The following ZNF704 variants were observed in gnomAD, a reference collection of about 807,000 sequenced individuals.
ZNF704 encodes glucocorticoid induced gene 1.
In ZNF704, 10 loss-of-function variants were observed where a neutral mutation model predicts 44.7. The ratio of observed to expected loss-of-function variants is 0.22; its 90% CI spans 0.14 to 0.38. The LOEUF is 0.38. Among genes scored for constraint, ZNF704 ranks in the 10% least tolerant of loss-of-function variants. ZNF704 has a pLI of 1.00. For synonymous variants in ZNF704, 211 were observed against 207.6 expected, an observed-to-expected ratio of 1.02 and a Z score of -0.14; for missense variants, 390 against 545.5, an observed-to-expected ratio of 0.71 and a Z score of 2.84.
At chr8:80,687,503 C>G (rs1043468482) in intron 3 of ZNF704, 45 bp from the exon 4 acceptor site, 14 of 1,414,700 alleles carry the variant, frequency 9.9e-6, no homozygotes, top group Non-Finnish European at 1.3e-5. Context: ...CCTGCGTGCC[C>G]GGGCATGGTT....
In ZNF704 at chr8:80,822,115, A is replaced by C. The variant is rs909157868; in HGVS notation, c.-21-500T>G. ...CCCCAACAGTTAAGATTTTTTTATT[A>C]ATTTATTTTAATTTTTTAATTATAC... On this transcript the variant is annotated intron_variant, in intron 1 of 8. Coordinates refer to ENST00000327835, the MANE Select transcript of ZNF704 (RefSeq NM_001033723.3). Among the ~76,000 whole-genome samples the C allele has an allele frequency of 2.0e-5, 3 of 152,188 alleles. No homozygotes were observed. The East Asian group carries it at 5.8e-4, about 29-fold the overall frequency.
intron 7 of ZNF704, among the ~76,000 whole-genome samples, chr8:80,655,620 T>TA (rs1322999703): frequency 6.6e-6 from 1 of 152,204 alleles, no homozygotes; most frequent in Non-Finnish European, 1.5e-5. Flanking sequence ...TAGAGGATAT[T>TA]ACTTTAGAAG....
At chr8:80,870,659 T>C (rs73692267) in intron 1 of ZNF704, among the ~76,000 whole-genome samples, 14,967 of 152,254 alleles carry the variant, frequency 0.098, 930 homozygotes, top group African/African-American at 0.18. Context: ...TAGTGTTTGC[T>C]GGCTTCTCCA....
intron 1 of ZNF704, among the ~76,000 whole-genome samples, chr8:80,840,464 A>G (rs1180180172): frequency 6.6e-6 from 1 of 152,264 alleles, no homozygotes; most frequent in Non-Finnish European, 1.5e-5. Context: ...TACAGAGGAC[A>G]AAATGACAAC....
intron 1 of ZNF704, among the ~76,000 whole-genome samples, chr8:80,847,959 T>G (rs1808794153): frequency 6.6e-6 from 1 of 152,196 alleles, no homozygotes; most frequent in African/African-American, 2.4e-5. Context: ...TGAAAACAAG[T>G]TTATACAAAA....
rs368699858 is a variant in ZNF704, at chr8:80,773,045, T to C, written c.221+48329A>G. Among the ~76,000 whole-genome samples the C allele has an allele frequency of 3.9e-4, 59 of 152,312 alleles. 1 individual carries two copies. Among genetic ancestry groups the C allele is most frequent in the African/African-American group, 1.3e-3 (56 of 41,570 alleles). ...GGTGTGTTATTTAATTTCCAAGTGT[T>C]TGGTTATTTTCCTGTTACCTTTCTA... On this transcript the variant is annotated intron_variant, in intron 2 of 8. Coordinates refer to ENST00000327835, the MANE Select transcript of ZNF704 (RefSeq NM_001033723.3).
intron 8 of ZNF704, 111 bp downstream of exon 8, chr8:80,642,924 C>CA: frequency 1.5e-6 from 1 of 646,696 alleles, no homozygotes; most frequent in Non-Finnish European, 2.3e-6. Context: ...GGTGTTTTGT[C>CA]AATTGTGGAG....
At chr8:80,784,902 A>G (rs953472071) in intron 2 of ZNF704, among the ~76,000 whole-genome samples, 3 of 152,204 alleles carry the variant, frequency 2.0e-5, no homozygotes, top group Admixed American at 2.0e-4. Flanking sequence ...ATTGACAGAA[A>G]AACTGAGACG....
intron 2 of ZNF704, among the ~76,000 whole-genome samples, chr8:80,818,269 A>G (rs1025747037): frequency 2.0e-5 from 3 of 152,180 alleles, no homozygotes; most frequent in Admixed American, 6.5e-5. Flanking sequence ...AAATGATTGA[A>G]GAACTCTGCA....
chr8:80,642,877 G>A (rs1817766551), intron 8 of ZNF704, among the ~76,000 whole-genome samples, 158 bp downstream of exon 8: 1 of 152,096 alleles, frequency 6.6e-6, no homozygotes, highest in African/African-American at 2.4e-5. Flanking sequence ...TTCATTAATA[G>A]GTAATGGATG....
At chr8:80,688,226 TG>T (rs1250248848) in intron 3 of ZNF704, among the ~76,000 whole-genome samples, 2 of 148,058 alleles carry the variant, frequency 1.4e-5, no homozygotes, top group Non-Finnish European at 3.0e-5. Context: ...AGTTGGGGGG[TG>T]GGGGGTTCTT....
intron 1 of ZNF704, among the ~76,000 whole-genome samples, chr8:80,869,068 C>T (rs992957766): frequency 2.0e-5 from 3 of 152,264 alleles, no homozygotes; most frequent in Middle Eastern, 3.4e-3. Context: ...TTAAATAAGT[C>T]GCTCATCCCT....
At chr8:80,787,127 T>G (rs1807628033) in intron 2 of ZNF704, among the ~76,000 whole-genome samples, 1 of 152,230 alleles carries the variant, frequency 6.6e-6, no homozygotes, top group African/African-American at 2.4e-5. Context: ...GAAAAGATTT[T>G]GTGCACTATT....
intron 2 of ZNF704, among the ~76,000 whole-genome samples, chr8:80,791,439 C>T (rs1212899476): frequency 6.6e-6 from 1 of 152,140 alleles, no homozygotes; most frequent in Non-Finnish European, 1.5e-5. Flanking sequence ...AATTATCAGA[C>T]CAGTGGGCAG....
intron 2 of ZNF704, among the ~76,000 whole-genome samples, chr8:80,818,700 A>T (rs1456917503): frequency 6.6e-6 from 1 of 152,190 alleles, no homozygotes; most frequent in Non-Finnish European, 1.5e-5. Context: ...CACAGGGCCA[A>T]TTGTATATAG....
intron 2 of ZNF704, among the ~76,000 whole-genome samples, chr8:80,753,437 T>G (rs1806981772): frequency 6.6e-6 from 1 of 151,690 alleles, no homozygotes; most frequent in African/African-American, 2.4e-5. Context: ...CTGGGCTTTC[T>G]GCCACTTGGA....
chr8:80,740,485 G>A (rs1686823689), intron 2 of ZNF704, among the ~76,000 whole-genome samples: 1 of 152,108 alleles, frequency 6.6e-6, no homozygotes, highest in Non-Finnish European at 1.5e-5. Context: ...AAAAGCCCAA[G>A]GCCTAGTAAA....
chr8:80,698,615 C>T (rs1026790266), intron 2 of ZNF704, among the ~76,000 whole-genome samples: 27 of 152,096 alleles, frequency 1.8e-4, no homozygotes, highest in Admixed American at 1.4e-3. Flanking sequence ...TTTTGGCTGC[C>T]GTGTGGAAAA....
chr8:80,835,002 T>C (rs1255591631), intron 1 of ZNF704, among the ~76,000 whole-genome samples: 1 of 152,240 alleles, frequency 6.6e-6, no homozygotes, highest in Non-Finnish European at 1.5e-5. Flanking sequence ...GTTTTAACTT[T>C]AATATGTCGA....
Sources: gnomAD v4.1 joint callset for allele counts (sites outside exome capture counted in the v4.1 genomes callset) on GRCh38, gnomAD v4.1.1 for gene constraint, MANE v1.5 for transcripts, NCBI Gene and HGNC (gene_info 2026-07-23, HGNC 2026-07-21) for gene names.